Variants in NIPBL observed in about 807,000 individuals in gnomAD.
NIPBL encodes NIPBL cohesin loading factor.
NIPBL carries 19 observed loss-of-function variants against 321.8 expected under a neutral mutation model. The ratio of observed to expected loss-of-function variants is 0.06; its 90% CI spans 0.04 to 0.09. The LOEUF is 0.09. NIPBL is among the 10% of genes least tolerant of loss of function. NIPBL has a pLI of 1.00. For synonymous variants in NIPBL, 1,106 were observed against 1,114.1 expected, an observed-to-expected ratio of 0.99 and a Z score of 0.14; for missense variants, 2,210 against 3,327.0, an observed-to-expected ratio of 0.66 and a Z score of 8.26.
At position 36,903,408 on chromosome 5, in the gene NIPBL, T is replaced by C. The variant is rs543548711; in HGVS notation, c.-80+26230T>C. ...AATATGATGTTGGCTGTGGGTTTGC[T>C]ATAGATGGCTCTTACTATTTTGCCC... On this transcript the variant is annotated intron_variant, in intron 1 of 46. Transcript: ENST00000282516. Among the ~76,000 whole-genome samples, 65 of 152,334 alleles carry C rather than the reference T, an allele frequency of 4.3e-4. 1 individual carries two copies. In the South Asian group the frequency reaches 0.013, roughly 31 times the overall value.
intron 22 of NIPBL, 56 bp downstream of exon 22, chr5:37,014,821 C>T: frequency 9.7e-7 from 1 of 1,032,496 alleles, no homozygotes; most frequent in Admixed American, 1.7e-5. Flanking sequence ...GAGAATAGTT[C>T]ATTTTTTTAA....
intron 1 of NIPBL, among the ~76,000 whole-genome samples, chr5:36,886,734 C>T (rs13187028): frequency 0.13 from 20,357 of 151,458 alleles, 1,484 homozygotes; most frequent in Admixed American, 0.2. Flanking sequence ...AGAATATTTC[C>T]ATTACCCCCA....
chr5:36,990,872 G>T (rs1745422726), intron 10 of NIPBL, among the ~76,000 whole-genome samples: 1 of 151,942 alleles, frequency 6.6e-6, no homozygotes, highest in Admixed American at 6.5e-5. Flanking sequence ...TAGGGTTCTT[G>T]TGTCTGTAGA....
At chr5:36,878,535 G>C (rs955119945) in intron 1 of NIPBL, among the ~76,000 whole-genome samples, 4 of 152,186 alleles carry the variant, frequency 2.6e-5, no homozygotes, top group African/African-American at 9.7e-5. Flanking sequence ...AACTTTCATT[G>C]GTTAAAATGA....
chr5:36,938,772 A>G (rs1164771394), intron 1 of NIPBL, among the ~76,000 whole-genome samples: 1 of 152,162 alleles, frequency 6.6e-6, no homozygotes, highest in East Asian at 1.9e-4. Context: ...CAATAATACA[A>G]TTTTACATAA....
chr5:36,896,408 G>A (rs1746738723), intron 1 of NIPBL, among the ~76,000 whole-genome samples: 1 of 152,024 alleles, frequency 6.6e-6, no homozygotes, highest in South Asian at 2.1e-4. Flanking sequence ...GACTCTTCTG[G>A]ATCTCTCATT....
chr5:36,971,162 T>C (rs1742808928), intron 7 of NIPBL, 126 bp downstream of exon 7: 1 of 787,160 alleles, frequency 1.3e-6, no homozygotes, highest in South Asian at 1.5e-5. Flanking sequence ...GAGTACAACA[T>C]GGCTCCTGCA....
intron 10 of NIPBL, 68 bp downstream of exon 10, chr5:36,986,369 A>G (rs922840924): frequency 1.8e-6 from 2 of 1,099,960 alleles, no homozygotes; most frequent in African/African-American, 3.2e-5. Flanking sequence ...ACTAAGTTTT[A>G]AAAAGGAAAT....
chr5:36,925,791 TC>T (rs1443661081), intron 1 of NIPBL, among the ~76,000 whole-genome samples: 2 of 152,186 alleles, frequency 1.3e-5, no homozygotes, highest in African/African-American at 4.8e-5. Flanking sequence ...AACTTACAGT[TC>T]CCATTGTCTG....
At chr5:36,904,362 G>A (rs1044124158) in intron 1 of NIPBL, among the ~76,000 whole-genome samples, 2 of 152,106 alleles carry the variant, frequency 1.3e-5, no homozygotes, top group Admixed American at 6.5e-5. Flanking sequence ...CCCACTACTT[G>A]GGAGGCTGAG....
chr5:36,912,981 T>C (rs906784657), intron 1 of NIPBL, among the ~76,000 whole-genome samples: 6 of 152,080 alleles, frequency 3.9e-5, no homozygotes, highest in Non-Finnish European at 8.8e-5. Flanking sequence ...TGAAAAACAA[T>C]TGGCGTTAAG....
intron 1 of NIPBL, among the ~76,000 whole-genome samples, chr5:36,911,538 C>T (rs1211249487): frequency 1.3e-5 from 2 of 152,114 alleles, no homozygotes; most frequent in Non-Finnish European, 2.9e-5. Flanking sequence ...TTATTTTCTA[C>T]ATTGTACTAT....
At chr5:37,002,812 T>A (rs748843673) in intron 15 of NIPBL, 47 bp downstream of exon 15, 25 of 1,096,454 alleles carry the variant, frequency 2.3e-5, no homozygotes, top group Admixed American at 8.8e-5. Flanking sequence ...TAGAAACATT[T>A]GAAATTAATT....
intron 1 of NIPBL, among the ~76,000 whole-genome samples, chr5:36,896,312 A>G (rs1746733370): frequency 6.6e-6 from 1 of 152,166 alleles, no homozygotes; most frequent in Non-Finnish European, 1.5e-5. Context: ...CCAGTACTAC[A>G]CTGTCTTGAT....
intron 1 of NIPBL, among the ~76,000 whole-genome samples, chr5:36,933,744 T>G (rs1749956557): frequency 6.6e-6 from 1 of 152,130 alleles, no homozygotes; most frequent in African/African-American, 2.4e-5. Flanking sequence ...TTTTATTGAT[T>G]AATCTTCCTT....
intron 16 of NIPBL, among the ~76,000 whole-genome samples, 182 bp from the exon 17 acceptor site, chr5:37,006,175 C>G (rs1747406379): frequency 6.6e-6 from 1 of 152,060 alleles, no homozygotes; most frequent in African/African-American, 2.4e-5. Flanking sequence ...CGTTTGAAAA[C>G]ATTGAAACAC....
At chr5:36,942,525 A>G (rs922789703) in intron 1 of NIPBL, among the ~76,000 whole-genome samples, 20 of 149,086 alleles carry the variant, frequency 1.3e-4, no homozygotes, top group African/African-American at 5.0e-4. Context: ...AGATCACTTG[A>G]GGTCAGGAGT....
chr5:37,018,555 G>A (rs1420828924), intron 24 of NIPBL, among the ~76,000 whole-genome samples: 1 of 152,098 alleles, frequency 6.6e-6, no homozygotes, highest in Non-Finnish European at 1.5e-5. Context: ...GGTTCCTTTT[G>A]TTGGTGAATT....
chr5:37,062,544 A>AT (rs947305428), intron 45 of NIPBL, among the ~76,000 whole-genome samples: 16 of 152,170 alleles, frequency 1.1e-4, no homozygotes, highest in African/African-American at 2.7e-4. Flanking sequence ...GTTTCCAGTG[A>AT]TTAAAAAAAA....
Sources: gnomAD v4.1 joint callset for allele counts (sites outside exome capture counted in the v4.1 genomes callset) on GRCh38, gnomAD v4.1.1 for gene constraint, MANE v1.5 for transcripts, NCBI Gene and HGNC (gene_info 2026-07-23, HGNC 2026-07-21) for gene names.